CAMK1D: variants seen among roughly 807,000 people sequenced by gnomAD.
CAMK1D encodes the protein calcium/calmodulin dependent protein kinase ID.
In CAMK1D, 9 loss-of-function variants were observed where a neutral mutation model predicts 47.7. That is an observed-to-expected ratio of 0.19 (90% CI 0.11 to 0.33). The LOEUF is 0.33. Ranked by LOEUF, CAMK1D falls within the 10% of genes least tolerant of loss-of-function variation. The probability of loss-of-function intolerance (pLI) is 1.00; values close to 1 mark genes in which losing one functional copy is unlikely to be tolerated. For missense variants in CAMK1D, 291 were observed against 488.7 expected (o/e 0.60, Z 3.81); for synonymous variants, 184 against 184.9 (o/e 0.99, Z 0.04).
At chr10:12,811,173 C>T (rs1294512928) in intron 6 of CAMK1D, among the ~76,000 whole-genome samples, 2 of 152,056 alleles carry the variant, frequency 1.3e-5, no homozygotes, top group African/African-American at 2.4e-5. Context: ...GCATTATTGC[C>T]TTTGAGGACC....
chr10:12,418,961 C>T (rs1048806823), intron 1 of CAMK1D, among the ~76,000 whole-genome samples: 3 of 152,090 alleles, frequency 2.0e-5, no homozygotes, highest in African/African-American at 4.8e-5. Context: ...GTGGTGTGTC[C>T]GAAGCCGTTG....
intron 1 of CAMK1D, among the ~76,000 whole-genome samples, chr10:12,487,906 G>T (rs1276385569): frequency 6.6e-6 from 1 of 152,146 alleles, no homozygotes; most frequent in Non-Finnish European, 1.5e-5. Flanking sequence ...AATAGACATG[G>T]GTTCATGGCT....
chr10:12,560,751 T>C (rs1836914421), intron 2 of CAMK1D, among the ~76,000 whole-genome samples: 1 of 151,906 alleles, frequency 6.6e-6, no homozygotes, highest in Non-Finnish European at 1.5e-5. Flanking sequence ...AGCTCCTCTC[T>C]GGAAAGCTCG....
At chr10:12,591,068 T>C (rs142572939) in intron 2 of CAMK1D, among the ~76,000 whole-genome samples, 8 of 152,370 alleles carry the variant, frequency 5.3e-5, no homozygotes, top group African/African-American at 1.7e-4. Context: ...TTGTTTTTCC[T>C]CTGTCTGCTT....
At chr10:12,424,615 C>G (rs1247073032) in intron 1 of CAMK1D, among the ~76,000 whole-genome samples, 1 of 152,148 alleles carries the variant, frequency 6.6e-6, no homozygotes, top group Non-Finnish European at 1.5e-5. Context: ...AAGTGATTCT[C>G]AAAGTACAAG....
intron 2 of CAMK1D, among the ~76,000 whole-genome samples, chr10:12,633,514 G>A (rs1839435504): frequency 1.3e-5 from 2 of 152,178 alleles, no homozygotes; most frequent in African/African-American, 4.8e-5. Flanking sequence ...CAGGGTGGCT[G>A]TAGATACTCG....
At chr10:12,381,407 T>C (rs4606388) in intron 1 of CAMK1D, among the ~76,000 whole-genome samples, 127,685 of 150,544 alleles carry the variant, frequency 0.85, 54,782 homozygotes, top group East Asian at 0.93. Context: ...ACGATCTTGG[T>C]TCACTCCAAC....
intron 3 of CAMK1D, among the ~76,000 whole-genome samples, chr10:12,750,661 A>G (rs1011703233): frequency 1.3e-5 from 2 of 151,228 alleles, no homozygotes; most frequent in African/African-American, 4.9e-5. Flanking sequence ...GGGGATGGGG[A>G]AAGTCAAGAA....
rs529930762 is a variant in CAMK1D at position 12,475,935 on chromosome 10, G to A, written c.93-77290G>A. On this transcript the variant is annotated intron_variant, in intron 1 of 10. Transcript: ENST00000619168. ...GGGTGGGGAAAGTGGTGATTTGAGC[G>A]CAGCGTAGGAAATAGACATTATGGG... is the stretch of plus-strand genomic sequence containing the variant. Among the ~76,000 whole-genome samples the A allele has an allele frequency of 3.3e-5, 5 of 152,154 alleles. No homozygotes were observed. In the East Asian group the frequency reaches 5.8e-4, roughly 18 times the overall value.
intron 2 of CAMK1D, among the ~76,000 whole-genome samples, chr10:12,570,805 G>A (rs1368073711): frequency 6.6e-6 from 1 of 151,552 alleles, no homozygotes; most frequent in Non-Finnish European, 1.5e-5. Context: ...AAATAAATTA[G>A]CCAGGCGTGG....
intron 1 of CAMK1D, among the ~76,000 whole-genome samples, chr10:12,374,662 A>G (rs35692499): frequency 0.34 from 50,935 of 151,894 alleles, 8,679 homozygotes; most frequent in Middle Eastern, 0.4. Context: ...ATTTCTGTGG[A>G]CCGGGCGCAT....
At position 12,563,024 on chromosome 10, in the gene CAMK1D, A is replaced by G. The variant is rs181481808; in HGVS notation, c.224+9668A>G. Among the ~76,000 whole-genome samples the G allele has an allele frequency of 9.2e-5, 14 of 152,350 alleles. No individual in the cohort carries two copies. The East Asian group carries it at 2.7e-3, about 29-fold the overall frequency. ...GCAATAGGATATATGTAGATACACA[A>G]AAAGATTTATTATGAGGTATTGGCT... On this transcript the variant is annotated intron_variant, in intron 2 of 10. Transcript: ENST00000619168.
intron 1 of CAMK1D, among the ~76,000 whole-genome samples, chr10:12,377,051 G>A (rs973673726): frequency 2.0e-5 from 3 of 152,004 alleles, no homozygotes; most frequent in East Asian, 1.9e-4. Flanking sequence ...GTGAGCCACC[G>A]CACCCGGCCT....
intron 1 of CAMK1D, among the ~76,000 whole-genome samples, chr10:12,484,698 A>G (rs1324800480): frequency 1.3e-5 from 2 of 152,098 alleles, no homozygotes; most frequent in Non-Finnish European, 2.9e-5. Context: ...AGTGTCTTCC[A>G]GGGGGCAGCT....
intron 1 of CAMK1D, among the ~76,000 whole-genome samples, chr10:12,497,044 G>C (rs2815602): frequency 0.78 from 118,585 of 152,140 alleles, 46,451 homozygotes; most frequent in East Asian, 0.98. Context: ...CCAGCTTCAT[G>C]CATGTCCCTG....
At chr10:12,379,613 C>T (rs947329486) in intron 1 of CAMK1D, among the ~76,000 whole-genome samples, 2 of 151,954 alleles carry the variant, frequency 1.3e-5, no homozygotes, top group African/African-American at 4.8e-5. Context: ...ATTAGCCGGG[C>T]ATGGTGGTGC....
In CAMK1D at chr10:12,753,750, C is replaced by T. The variant is rs1052052524; in HGVS notation, c.300-7198C>T. Reference sequence around the variant, plus strand: ...TCCACCCAGCATTTCTAACCCTTCTCTCATGGCCTGTATTCTCCGAAAGAG... The same window carrying T: ...TCCACCCAGCATTTCTAACCCTTCTTTCATGGCCTGTATTCTCCGAAAGAG... On this transcript the variant is annotated intron_variant, in intron 3 of 10. Coordinates refer to ENST00000619168, the MANE Select transcript of CAMK1D (RefSeq NM_153498.4). Among the ~76,000 whole-genome samples, 4 of 152,360 alleles carry T rather than the reference C, an allele frequency of 2.6e-5. No individual in the cohort carries two copies. In the East Asian group the frequency reaches 5.8e-4, roughly 22 times the overall value.
At chr10:12,603,315 C>T (rs1838361042) in intron 2 of CAMK1D, among the ~76,000 whole-genome samples, 1 of 152,192 alleles carries the variant, frequency 6.6e-6, no homozygotes, top group East Asian at 1.9e-4. Context: ...CTGCGTCCTG[C>T]TGGGACACCA....
chr10:12,780,912 C>T (rs1242619905), intron 5 of CAMK1D, among the ~76,000 whole-genome samples: 4 of 152,168 alleles, frequency 2.6e-5, no homozygotes, highest in Non-Finnish European at 5.9e-5. Context: ...CAGCCAGACC[C>T]CCGGTGTTGG....
Sources: gnomAD v4.1 joint callset for allele counts (sites outside exome capture counted in the v4.1 genomes callset) on GRCh38, gnomAD v4.1.1 for gene constraint, MANE v1.5 for transcripts, NCBI Gene and HGNC (gene_info 2026-07-23, HGNC 2026-07-21) for gene names.